Variants in EDF1 observed in about 807,000 individuals in gnomAD.
The protein encoded by EDF1 is endothelial differentiation-related factor 1.
A neutral mutation model predicts 20.8 loss-of-function variants in EDF1; 5 were observed. The ratio of observed to expected loss-of-function variants is 0.24; its 90% CI spans 0.13 to 0.51. The LOEUF (loss-of-function observed/expected upper bound fraction) is 0.51. EDF1 is among the 20% of genes least tolerant of loss of function. The probability of loss-of-function intolerance (pLI) is 0.97; values close to 1 mark genes in which losing one functional copy is unlikely to be tolerated. For missense variants in EDF1, 137 were observed against 197.8 expected (o/e 0.69, Z 1.84); for synonymous variants, 96 against 78.5 (o/e 1.22, Z -1.18).
Position 136,862,693 on chromosome 9 carries a change from C to A in EDF1, c.385+213G>T. On this transcript the variant is annotated intron_variant, in intron 4 of 4. Transcript: ENST00000224073. This position sits in a 1 kb window ranked among gnomAD's most constrained non-coding sequence, Gnocchi z 4.1. The stretch of plus-strand genomic sequence containing the variant: ...CGGGAACTGGCAAGGGGAAGGGACT[C>A]GGACTCCACTTGCTCTTAGGGGTTT... 2 of 1,497,548 alleles carry A rather than the reference C, an allele frequency of 1.3e-6. No individual in the cohort carries two copies. The highest frequency in any genetic ancestry group is 1.8e-6 in the Non-Finnish European group (2 of 1,130,622). The allele number at this position is 1,497,548 out of a possible 1,614,324, so 92.8% of individuals were successfully genotyped here.
In EDF1 at chr9:136,863,039, G is replaced by A. The variant is rs1398148820; in HGVS notation, c.292-40C>T. On this transcript the variant is annotated intron_variant, in intron 3 of 4. Coordinates refer to ENST00000224073, the MANE Select transcript of EDF1 (RefSeq NM_003792.4). The surrounding 1 kb of genome is among the most constrained non-coding windows in gnomAD (Gnocchi z 4.5). The stretch of plus-strand genomic sequence containing the variant: ...TGCTTTATACACATCAGCTCCACTA[G>A]GACTGCTGCAAAACCAGGCGCGAAG... The A allele has an allele frequency of 6.2e-7, 1 of 1,611,142 alleles. No homozygotes were observed. Among genetic ancestry groups the A allele is most frequent in the African/African-American group, 1.3e-5 (1 of 74,888 alleles).
At position 136,862,790 on chromosome 9, in the gene EDF1, G is replaced by A; in HGVS notation, c.385+116C>T. ...GAGAAGCAAAGCTCCAGAATTCAGAGAACAGGGGACCCCCAGGGCCATCTT... is the reference window on the plus strand; with the variant it reads ...GAGAAGCAAAGCTCCAGAATTCAGAAAACAGGGGACCCCCAGGGCCATCTT... On this transcript the variant is annotated intron_variant, in intron 4 of 4. Coordinates refer to ENST00000224073, the MANE Select transcript of EDF1 (RefSeq NM_003792.4). This position sits in a 1 kb window ranked among gnomAD's most constrained non-coding sequence, Gnocchi z 4.1. 1.0e-5 allele frequency: 16 copies of A among 1,607,178 alleles called. No individual in the cohort carries two copies. The highest frequency in any genetic ancestry group is 5.0e-5 in the Admixed American group (3 of 59,906).
At chr9:136,865,724 G>A (rs1849205228) in intron 1 of EDF1, among the ~76,000 whole-genome samples, 1 of 146,320 alleles carries the variant, frequency 6.8e-6, no homozygotes, top group Non-Finnish European at 1.5e-5. Flanking sequence ...CTGGTTCTCT[G>A]TCCCCTATCC....
Position 136,862,498 on chromosome 9 carries a change from TA to T in EDF1, c.386-154del. ...CACGAGCACTCCTGGTTCCCACATC[TA>T]ATTTTGAAGAGGATGAGTCTGATCA... On this transcript the variant is annotated intron_variant, in intron 4 of 4. Coordinates refer to ENST00000224073, the MANE Select transcript of EDF1 (RefSeq NM_003792.4). The surrounding 1 kb of genome is among the most constrained non-coding windows in gnomAD (Gnocchi z 4.1). 1 of 1,611,632 alleles carries T rather than the reference TA, an allele frequency of 6.2e-7. No homozygotes were observed.
rs763683937 is a variant in EDF1, at chr9:136,862,364, A to G, written c.386-19T>C. 2 of 1,613,936 alleles carry G rather than the reference A, an allele frequency of 1.2e-6. No homozygotes were observed. The highest frequency in any genetic ancestry group is 8.5e-7 in the Non-Finnish European group (1 of 1,179,980). On this transcript the variant is annotated intron_variant, in intron 4 of 4. Coordinates refer to ENST00000224073, the MANE Select transcript of EDF1 (RefSeq NM_003792.4). The surrounding 1 kb of genome is among the most constrained non-coding windows in gnomAD (Gnocchi z 4.1). ...TTGAGGCCTGAAATGAGCCACAGCC[A>G]CTGGCCACTGCAGCACCAGCTCCCT...
In EDF1 at chr9:136,863,935, T is replaced by G. The variant is rs1564392828; in HGVS notation, c.79-64A>C. The stretch of plus-strand genomic sequence containing the variant: ...TTGACAGTATCCAGCACACACCAAT[T>G]CAGGCCTGCTGTTAGCCAGTTAGCA... On this transcript the variant is annotated intron_variant, in intron 1 of 4. Transcript: ENST00000224073. This position sits in a 1 kb window ranked among gnomAD's most constrained non-coding sequence, Gnocchi z 4.5. 2 of 1,568,180 alleles carry G rather than the reference T, an allele frequency of 1.3e-6. No individual in the cohort carries two copies. The highest frequency in any genetic ancestry group is 2.2e-5 in the East Asian group (1 of 44,620).
rs765427114 is a variant in EDF1 at position 136,862,618 on chromosome 9, G to T, written c.386-273C>A. On this transcript the variant is annotated intron_variant, in intron 4 of 4. Coordinates refer to ENST00000224073, the MANE Select transcript of EDF1 (RefSeq NM_003792.4). The surrounding 1 kb of genome is among the most constrained non-coding windows in gnomAD (Gnocchi z 4.1). The stretch of plus-strand genomic sequence containing the variant: ...TTCCGGCCCCATGCTGACAGGGCCC[G>T]GACCCGCTGTGCTCAGGCTCAGAGA... 6.6e-6 allele frequency: 10 copies of T among 1,523,848 alleles called. No individual in the cohort carries two copies. The highest frequency in any genetic ancestry group is 2.3e-4 in the Middle Eastern group (1 of 4,292). The allele number at this position is 1,523,848 out of a possible 1,614,324, so 94.4% of individuals were successfully genotyped here.
In EDF1 at chr9:136,862,180, T is replaced by C. The variant is rs950837914; in HGVS notation, c.*104A>G. ...GGGCTGGGGAGGGTCCCCCGCAAGC[T>C]GGACCCCTTGTTCCGTTCGGCCCGT... On this transcript the variant is annotated 3_prime_UTR_variant, in exon 5 of 5. Transcript: ENST00000224073. The surrounding 1 kb of genome is among the most constrained non-coding windows in gnomAD (Gnocchi z 4.1). 1 of 1,460,582 alleles carries C rather than the reference T, an allele frequency of 6.8e-7. No homozygotes were observed. The highest frequency in any genetic ancestry group is 1.4e-5 in the African/African-American group (1 of 71,454). The allele number at this position is 1,460,582 out of a possible 1,614,324, so 90.5% of individuals were successfully genotyped here.
At position 136,866,288 on chromosome 9, in the gene EDF1, G is replaced by A. The variant is rs1228489578; in HGVS notation, c.-30C>T. ...GGCGAAGACGAGCGTCCGTCCGGCGGCTCAGCGGCAGCTGCTAGAGACCTG... is the reference window on the plus strand; with the variant it reads ...GGCGAAGACGAGCGTCCGTCCGGCGACTCAGCGGCAGCTGCTAGAGACCTG... On this transcript the variant is annotated 5_prime_UTR_variant, in exon 1 of 5. Transcript: ENST00000224073. 6.3e-7 allele frequency: 1 copy of A among 1,590,916 alleles called. No homozygotes were observed. The highest frequency in any genetic ancestry group is 8.5e-7 in the Non-Finnish European group (1 of 1,172,920).
Position 136,862,309 on chromosome 9 carries a change from A to T in EDF1, c.422T>A (p.Ile141Asn). 1 of 1,613,756 alleles carries T rather than the reference A, an allele frequency of 6.2e-7. No individual in the cohort carries two copies. The highest frequency in any genetic ancestry group is 2.2e-5 in the East Asian group (1 of 44,850). The stretch of plus-strand genomic sequence containing the variant: ...TCATTTCGCCCTAGGCCCCTTCTCG[A>T]TGGGCTTTCCAATGTCCTTTCCCCG... ...KLRGKDIGKPIEKGPRAK is the reference protein window; with the variant it reads ...KLRGKDIGKPNEKGPRAK The change falls in exon 5 of 5, where the codon ATC becomes AAC. Residue 141 changes from isoleucine to asparagine, a missense_variant. By Grantham distance (149) the Ile-to-Asn change is moderately radical. Coordinates refer to ENST00000224073, the MANE Select transcript of EDF1 (RefSeq NM_003792.4). This position sits in a 1 kb window ranked among gnomAD's most constrained non-coding sequence, Gnocchi z 4.1.
chr9:136,865,531 C>G (rs1455214101), intron 1 of EDF1, among the ~76,000 whole-genome samples: 1 of 151,974 alleles, frequency 6.6e-6, no homozygotes, highest in Non-Finnish European at 1.5e-5. Context: ...TCTCCCGCCC[C>G]AGGCCCTCAA....
intron 1 of EDF1, among the ~76,000 whole-genome samples, chr9:136,865,937 C>T (rs1295432062): frequency 6.7e-6 from 1 of 150,370 alleles, no homozygotes; most frequent in African/African-American, 2.5e-5. Context: ...CTCCTGGGTC[C>T]GTCCATCCCC....
In EDF1 at chr9:136,862,397, C is replaced by A. The variant is rs778990964; in HGVS notation, c.386-52G>T. On this transcript the variant is annotated intron_variant, in intron 4 of 4. Transcript: ENST00000224073. This position sits in a 1 kb window ranked among gnomAD's most constrained non-coding sequence, Gnocchi z 4.1. ...CTGCAGCACCAGCTCCCTCCTCCCC[C>A]CAACGCTGCCCCTCTTCAACATCTT... The A allele has an allele frequency of 1.4e-4, 231 of 1,613,840 alleles. No individual in the cohort carries two copies. Among genetic ancestry groups the A allele is most frequent in the Non-Finnish European group, 1.8e-4 (214 of 1,180,028 alleles).
chr9:136,862,267 A>G lies in EDF1; in HGVS notation c.*17T>C. ...GAACGAGATCAGCTGGAGCGCACTG[A>G]TTTCGAGGCTTTGTGTTCATTTCGC... On this transcript the variant is annotated 3_prime_UTR_variant, in exon 5 of 5. Coordinates refer to ENST00000224073, the MANE Select transcript of EDF1 (RefSeq NM_003792.4). The surrounding 1 kb of genome is among the most constrained non-coding windows in gnomAD (Gnocchi z 4.1). 3.7e-6 allele frequency: 6 copies of G among 1,613,568 alleles called. No homozygotes were observed. The highest frequency in any genetic ancestry group is 5.1e-6 in the Non-Finnish European group (6 of 1,179,870).
rs1849162856 is a variant in EDF1 at position 136,863,886 on chromosome 9, A to C, written c.79-15T>G. 6.2e-7 allele frequency: 1 copy of C among 1,613,596 alleles called. No individual in the cohort carries two copies. The highest frequency in any genetic ancestry group is 8.5e-7 in the Non-Finnish European group (1 of 1,179,968). ...GCTAAGATAGCCTAGAAAATTAGAAAACATCAGTGGATCAAAATTAGCTTT... is the reference window on the plus strand; with the variant it reads ...GCTAAGATAGCCTAGAAAATTAGAACACATCAGTGGATCAAAATTAGCTTT... On this transcript the variant is annotated splice_polypyrimidine_tract_variant and intron_variant, in intron 1 of 4. Transcript: ENST00000224073. This position sits in a 1 kb window ranked among gnomAD's most constrained non-coding sequence, Gnocchi z 4.5.
rs1469184090 is a variant in EDF1, at chr9:136,866,025, A to G, written c.78+156T>C. Among the ~76,000 whole-genome samples the G allele has an allele frequency of 2.3e-4, 25 of 106,596 alleles. 2 individuals are homozygous for G. Among genetic ancestry groups the G allele is most frequent in the Middle Eastern group, 6.9e-3 (1 of 144 alleles). 69.9% of individuals were successfully genotyped at this position (106,596 alleles called of 152,430 possible). A position where few individuals can be genotyped will look rare whatever the true frequency, so the allele number is the denominator to read the frequency against. The stretch of plus-strand genomic sequence containing the variant: ...CCCTGCGATTCGCCCCGCCCTTCGA[A>G]CCCCGTCCTGCCCCCGGCACCCCAG... On this transcript the variant is annotated intron_variant, in intron 1 of 4. Coordinates refer to ENST00000224073, the MANE Select transcript of EDF1 (RefSeq NM_003792.4).
chr9:136,862,448 C>G lies in EDF1; in HGVS notation c.386-103G>C. The stretch of plus-strand genomic sequence containing the variant: ...CCCAGGGAAGGGGGGCCACGCCGCT[C>G]CCGTGCCTCACTGGGCTCTCAGCAC... On this transcript the variant is annotated intron_variant, in intron 4 of 4. Coordinates refer to ENST00000224073, the MANE Select transcript of EDF1 (RefSeq NM_003792.4). The surrounding 1 kb of genome is among the most constrained non-coding windows in gnomAD (Gnocchi z 4.1). 1.2e-6 allele frequency: 2 copies of G among 1,613,570 alleles called. No individual in the cohort carries two copies. The highest frequency in any genetic ancestry group is 1.7e-6 in the Non-Finnish European group (2 of 1,179,938).
chr9:136,864,588 C>G (rs1398388942), intron 1 of EDF1, among the ~76,000 whole-genome samples: 3 of 151,954 alleles, frequency 2.0e-5, no homozygotes, highest in African/African-American at 7.3e-5. Flanking sequence ...GTGATGCCAT[C>G]TCATCTACAG....
rs948052113 is a variant in EDF1, at chr9:136,863,134, G to C, written c.292-135C>G. 2 of 1,506,790 alleles carry C rather than the reference G, an allele frequency of 1.3e-6. No individual in the cohort carries two copies. The highest frequency in any genetic ancestry group is 2.7e-5 in the African/African-American group (2 of 72,782). 93.3% of individuals were successfully genotyped at this position (1,506,790 alleles called of 1,614,324 possible). A position where few individuals can be genotyped will look rare whatever the true frequency, so the allele number is the denominator to read the frequency against. Reference sequence around the variant, plus strand: ...CCACACGCAGCTGGGTTTTGTGCGAGAGGCAGTGAGAGCCGGGCTGACCTG... The same window carrying C: ...CCACACGCAGCTGGGTTTTGTGCGACAGGCAGTGAGAGCCGGGCTGACCTG... On this transcript the variant is annotated intron_variant, in intron 3 of 4. Coordinates refer to ENST00000224073, the MANE Select transcript of EDF1 (RefSeq NM_003792.4). This position sits in a 1 kb window ranked among gnomAD's most constrained non-coding sequence, Gnocchi z 4.5.
Sources: gnomAD v4.1 joint callset for allele counts (sites outside exome capture counted in the v4.1 genomes callset) on GRCh38, gnomAD v4.1.1 for gene constraint, Gnocchi (gnomAD v3.1) non-coding constraint, MANE v1.5 for transcripts, NCBI Gene and HGNC (gene_info 2026-07-23, HGNC 2026-07-21) for gene names.